ZCCHC4: variants seen among roughly 807,000 people sequenced by gnomAD.
ZCCHC4 encodes the protein rRNA N(6)-adenosine-methyltransferase ZCCHC4.
Under a neutral mutation model 67.7 loss-of-function variants are expected in ZCCHC4, and 54 were observed. The observed-to-expected ratio is 0.80, with a 90% CI of 0.64 to 1.00. The LOEUF (loss-of-function observed/expected upper bound fraction) is 1.00, where lower values mean the gene tolerates loss of function less well. Among genes scored for constraint, ZCCHC4 ranks in the 50% least tolerant of loss-of-function variants. The pLI is 0.00. For synonymous variants in ZCCHC4, 198 were observed against 213.5 expected (o/e 0.93, Z 0.63); for missense variants, 609 against 617.0 (o/e 0.99, Z 0.14).
Position 25,354,905 on chromosome 4 carries a change from C to CTTTTT in ZCCHC4, c.1011+3232_1011+3236dup, listed in dbSNP as rs61156499. 5.8e-4 allele frequency among the ~76,000 whole-genome samples: 59 copies of CTTTTT among 101,552 alleles called. 1 individual carries two copies. Among genetic ancestry groups the CTTTTT allele is most frequent in the African/African-American group, 2.0e-3 (51 of 25,410 alleles). 66.6% of individuals were successfully genotyped at this position (101,552 alleles called of 152,430 possible). ...CTTTTCCCATAGACCTTGATTAGGCCTTTTTTTTTTTTTTTTTTTTGGACA... is the reference window on the plus strand; with the variant it reads ...CTTTTCCCATAGACCTTGATTAGGCCTTTTTTTTTTTTTTTTTTTTTTTTTGGACA... On this transcript the variant is annotated intron_variant, in intron 8 of 12. Coordinates refer to ENST00000302874, the MANE Select transcript of ZCCHC4 (RefSeq NM_024936.3).
chr4:25,350,586 ATTAG>A (rs1377862626), intron 7 of ZCCHC4, among the ~76,000 whole-genome samples: 2 of 152,128 alleles, frequency 1.3e-5, no homozygotes, highest in Non-Finnish European at 2.9e-5. Flanking sequence ...TAATTATCTA[ATTAG>A]TTGGTACATT....
At chr4:25,322,102 T>G (rs1050619842) in intron 3 of ZCCHC4, among the ~76,000 whole-genome samples, 1 of 152,184 alleles carries the variant, frequency 6.6e-6, no homozygotes, top group Non-Finnish European at 1.5e-5. Flanking sequence ...ATATACACCT[T>G]AGAAATGATG....
chr4:25,339,914 G>T (rs1719643577), intron 5 of ZCCHC4, among the ~76,000 whole-genome samples: 1 of 150,430 alleles, frequency 6.6e-6, no homozygotes, highest in Non-Finnish European at 1.5e-5. Context: ...CTGTCACCCA[G>T]GCTGGAGTGC....
At chr4:25,314,911 T>TA (rs1013852874) in intron 2 of ZCCHC4, among the ~76,000 whole-genome samples, 2 of 152,210 alleles carry the variant, frequency 1.3e-5, no homozygotes, top group African/African-American at 2.4e-5. Flanking sequence ...TGAAGGCACT[T>TA]AGAGATATAG....
At chr4:25,318,445 G>A (rs1033098919) in intron 3 of ZCCHC4, among the ~76,000 whole-genome samples, 1 of 134,252 alleles carries the variant, frequency 7.4e-6, no homozygotes, top group African/African-American at 2.8e-5. Flanking sequence ...CCACCTCCAC[G>A]TCCTGGTTTC....
At chr4:25,313,028 G>C (rs1718039688) in intron 1 of ZCCHC4, 92 bp downstream of exon 1, 1 of 1,529,974 alleles carries the variant, frequency 6.5e-7, no homozygotes, top group Non-Finnish European at 8.8e-7. Flanking sequence ...ATTTTTACCC[G>C]CCTCTTTCCC....
At chr4:25,349,417 A>G in intron 6 of ZCCHC4, 75 bp from the exon 7 acceptor site, 1 of 1,427,208 alleles carries the variant, frequency 7.0e-7, no homozygotes, top group Non-Finnish European at 9.7e-7. Context: ...GACTGAGTCT[A>G]ATGCATTCTC....
At chr4:25,357,200 A>G (rs1420542346) in intron 8 of ZCCHC4, among the ~76,000 whole-genome samples, 1 of 152,238 alleles carries the variant, frequency 6.6e-6, no homozygotes, top group Admixed American at 6.5e-5. Context: ...TAGAATAGCT[A>G]TCAGATCCTC....
At position 25,370,262 on chromosome 4, in the gene ZCCHC4, G is replaced by T. The variant is rs1577358419; in HGVS notation, c.*1098G>T. ...TTCCTACCCTTAATATTTCCTGGCT[G>T]TATGATCTTGGCCAGGTCACTCTCT... On this transcript the variant is annotated 3_prime_UTR_variant, in exon 13 of 13. Coordinates refer to ENST00000302874, the MANE Select transcript of ZCCHC4 (RefSeq NM_024936.3). The T allele has an allele frequency of 6.6e-6, 1 of 152,266 alleles. No individual in the cohort carries two copies. The highest frequency in any genetic ancestry group is 2.1e-4 in the South Asian group (1 of 4,828). 9.4% of individuals were successfully genotyped at this position (152,266 alleles called of 1,614,324 possible).
chr4:25,359,913 A>T lies in ZCCHC4; in HGVS notation c.1012-1946A>T, dbSNP rs1378373669. ...GAAATTAGCAATCCACTGGTCTCCC[A>T]CCAATGTACAGCAAGTGCTGGTGCT... On this transcript the variant is annotated intron_variant, in intron 8 of 12. Coordinates refer to ENST00000302874, the MANE Select transcript of ZCCHC4 (RefSeq NM_024936.3). The surrounding 1 kb of genome is among the most constrained non-coding windows in gnomAD (Gnocchi z 4.9). Among the ~76,000 whole-genome samples the T allele has an allele frequency of 6.6e-6, 1 of 152,232 alleles. No individual in the cohort carries two copies. Among genetic ancestry groups the T allele is most frequent in the African/African-American group, 2.4e-5 (1 of 41,460 alleles).
chr4:25,349,435 T>C (rs1416348742), intron 6 of ZCCHC4, 57 bp from the exon 7 acceptor site: 5 of 1,551,164 alleles, frequency 3.2e-6, no homozygotes, highest in African/African-American at 2.7e-5. Context: ...CTCCTCCAAA[T>C]AGGATGAAGT....
chr4:25,333,925 A>G lies in ZCCHC4; in HGVS notation c.623A>G (p.Lys208Arg), dbSNP rs779071001. 21 of 1,601,014 alleles carry G rather than the reference A, an allele frequency of 1.3e-5. No homozygotes were observed. The highest frequency in any genetic ancestry group is 1.8e-5 in the Non-Finnish European group (21 of 1,177,098). The change falls in exon 5 of 13, where the codon AAG becomes AGG. Residue 208 changes from lysine (K) to arginine (R), a missense_variant. Physicochemically the swap from Lys to Arg is conservative, Grantham distance 26 (BLOSUM62 2). Coordinates refer to ENST00000302874, the MANE Select transcript of ZCCHC4 (RefSeq NM_024936.3). ...VGTPRLHELI[K>R]LTASGDKKSN... ...TGCTTTAGGTTGCATGAGCTGATCA[A>G]GTTGACAGCATCAGGTGACAAGAAG...
rs117554374 is a variant in ZCCHC4 at position 25,353,020 on chromosome 4, C to T, written c.1011+1331C>T. On this transcript the variant is annotated intron_variant, in intron 8 of 12. Coordinates refer to ENST00000302874, the MANE Select transcript of ZCCHC4 (RefSeq NM_024936.3). Reference sequence around the variant, plus strand: ...AGAGTACTTTTTACAGGTTTGTAATCGTAGAAGACAATTTTGAATTCTGCT... The same window carrying T: ...AGAGTACTTTTTACAGGTTTGTAATTGTAGAAGACAATTTTGAATTCTGCT... Among the ~76,000 whole-genome samples, 179 of 152,212 alleles carry T rather than the reference C, an allele frequency of 1.2e-3. 6 individuals are homozygous for T. The East Asian group carries it at 0.031, about 27-fold the overall frequency.
chr4:25,315,035 TC>T (rs1424140695), intron 2 of ZCCHC4, among the ~76,000 whole-genome samples: 2 of 152,188 alleles, frequency 1.3e-5, no homozygotes, highest in Non-Finnish European at 2.9e-5. Context: ...ATACCACTCT[TC>T]TGCAGACCCA....
At chr4:25,361,570 T>C in intron 8 of ZCCHC4, 1 of 331,006 alleles carries the variant, frequency 3.0e-6, no homozygotes, top group Non-Finnish European at 5.6e-6. Flanking sequence ...GCTGTACATA[T>C]GGCCTGCACC....
At chr4:25,327,417 CTTCCCTCCT>C (rs1171260229) in intron 3 of ZCCHC4, among the ~76,000 whole-genome samples, 11 of 99,072 alleles carry the variant, frequency 1.1e-4, no homozygotes, top group East Asian at 7.5e-4. Context: ...TCCTTCCCTC[CTTCCCTCCT>C]TCCCTCCTTC....
At chr4:25,337,820 T>C (rs1008513450) in intron 5 of ZCCHC4, among the ~76,000 whole-genome samples, 1 of 152,188 alleles carries the variant, frequency 6.6e-6, no homozygotes, top group African/African-American at 2.4e-5. Flanking sequence ...AGTTATATAA[T>C]GATTCTAAGT....
rs112195492 is a variant in ZCCHC4, at chr4:25,335,154, A to G, written c.686+1166A>G. 6.7e-3 allele frequency among the ~76,000 whole-genome samples: 1,028 copies of G among 152,328 alleles called. 9 individuals carry two copies. The highest frequency in any genetic ancestry group is 0.023 in the African/African-American group (967 of 41,570). On this transcript the variant is annotated intron_variant, in intron 5 of 12. Transcript: ENST00000302874. ...TAAAGTGTAAAATGTCCGTTTAAAA[A>G]GTGTAGTTTGGGTCAGGTGTGGTGG...
At chr4:25,358,908 A>G (rs1225290299) in intron 8 of ZCCHC4, among the ~76,000 whole-genome samples, 3 of 152,138 alleles carry the variant, frequency 2.0e-5, no homozygotes, top group African/African-American at 7.2e-5. Context: ...CCATGTTGAA[A>G]CTGTCTACAA....
Sources: allele counts gnomAD v4.1 joint callset (sites outside exome capture counted in the v4.1 genomes callset), GRCh38; gene constraint gnomAD v4.1.1; non-coding constraint Gnocchi (gnomAD v3.1); transcripts MANE v1.5; gene names NCBI Gene and HGNC (gene_info 2026-07-23, HGNC 2026-07-21).